The following CNTNAP2 variants were observed in gnomAD, a reference collection of about 807,000 sequenced individuals.
CNTNAP2 encodes contactin associated protein 2.
CNTNAP2 carries 98 observed loss-of-function variants against 155.2 expected under a neutral mutation model. That is an observed-to-expected ratio of 0.63 (90% confidence interval 0.54 to 0.75). CNTNAP2 has a LOEUF of 0.75. Ranked by LOEUF, CNTNAP2 falls within the 30% of genes least tolerant of loss-of-function variation. The pLI is 0.00. For missense variants in CNTNAP2, 1,727 were observed against 1,688.1 expected (o/e 1.02, Z -0.40); for synonymous variants, 651 against 631.2 (o/e 1.03, Z -0.47).
intron 1 of CNTNAP2, among the ~76,000 whole-genome samples, chr7:146,461,389 A>G (rs1351555848): frequency 6.8e-6 from 1 of 147,922 alleles, no homozygotes; most frequent in Non-Finnish European, 1.5e-5. Context: ...TGGGCAAAAG[A>G]GCAAGACTCC....
chr7:147,485,000 T>C (rs1798486467), intron 10 of CNTNAP2, among the ~76,000 whole-genome samples: 1 of 152,206 alleles, frequency 6.6e-6, no homozygotes, highest in East Asian at 1.9e-4. Context: ...GTGGGGTAGA[T>C]GGAGACAGGA....
In CNTNAP2 at chr7:147,126,281, G is replaced by A. The variant is rs538777431; in HGVS notation, c.940-2412G>A. 7.9e-5 allele frequency among the ~76,000 whole-genome samples: 12 copies of A among 152,180 alleles called. No homozygotes were observed. The South Asian group carries it at 1.9e-3, about 24-fold the overall frequency. On this transcript the variant is annotated intron_variant, in intron 6 of 23. Transcript: ENST00000361727. ...TGTACACTTGAAAGCTAACAAAATCGTTACTGCAGTTATTTCTTTAGAGGC... is the reference window on the plus strand; with the variant it reads ...TGTACACTTGAAAGCTAACAAAATCATTACTGCAGTTATTTCTTTAGAGGC...
intron 1 of CNTNAP2, among the ~76,000 whole-genome samples, chr7:146,521,554 C>A (rs1309160286): frequency 6.6e-6 from 1 of 151,914 alleles, no homozygotes; most frequent in East Asian, 1.9e-4. Flanking sequence ...AAAGAAACTA[C>A]AAATACAAAA....
chr7:146,730,952 C>T (rs549523041), intron 1 of CNTNAP2, among the ~76,000 whole-genome samples: 2 of 152,252 alleles, frequency 1.3e-5, no homozygotes, highest in African/African-American at 4.8e-5. Flanking sequence ...ATCCACAGAA[C>T]ACAAACTAGG....
At chr7:146,402,201 A>G (rs1397056378) in intron 1 of CNTNAP2, among the ~76,000 whole-genome samples, 8 of 152,152 alleles carry the variant, frequency 5.3e-5, no homozygotes, top group African/African-American at 1.9e-4. Flanking sequence ...AATATCTGCA[A>G]TAAACCTTCA....
At position 148,117,373 on chromosome 7, in the gene CNTNAP2, C is replaced by T. The variant is rs1315109087; in HGVS notation, c.2384-745C>T. Among the ~76,000 whole-genome samples the T allele has an allele frequency of 5.3e-5, 8 of 152,166 alleles. 1 individual carries two copies. The highest frequency in any genetic ancestry group is 1.2e-4 in the African/African-American group (5 of 41,444). On this transcript the variant is annotated intron_variant, in intron 15 of 23. Coordinates refer to ENST00000361727, the MANE Select transcript of CNTNAP2 (RefSeq NM_014141.6). Reference sequence around the variant, plus strand: ...AGGCAACTCACCTCTGAGAGTTTGGCGCAGGAGAGGTGAGGAAACTGCCCT... The same window carrying T: ...AGGCAACTCACCTCTGAGAGTTTGGTGCAGGAGAGGTGAGGAAACTGCCCT...
chr7:147,245,525 A>C (rs1201746949), intron 8 of CNTNAP2, among the ~76,000 whole-genome samples: 1 of 152,028 alleles, frequency 6.6e-6, no homozygotes. Flanking sequence ...TCATTGATCT[A>C]GATCTCAAAT....
chr7:147,272,664 A>ATTTT (rs71182188), intron 8 of CNTNAP2, among the ~76,000 whole-genome samples: 1,936 of 138,888 alleles, frequency 0.014, 49 homozygotes, highest in African/African-American at 0.047. Flanking sequence ...CGCCCGGCTA[A>ATTTT]TTTTTTTTTT....
intron 16 of CNTNAP2, among the ~76,000 whole-genome samples, chr7:148,142,326 T>G (rs948304827): frequency 6.6e-6 from 1 of 152,108 alleles, no homozygotes; most frequent in Non-Finnish European, 1.5e-5. Flanking sequence ...TCCTGCCTCT[T>G]CTCATGACCC....
rs145140565 is a variant in CNTNAP2, at chr7:146,732,822, A to G, written c.98-41449A>G. On this transcript the variant is annotated intron_variant, in intron 1 of 23. Transcript: ENST00000361727. ...TTTAAATCATCTCTAGATTACTTGT[A>G]ATACCTAATACAATGTAGATGCTGT... is the stretch of plus-strand genomic sequence containing the variant. 2.1e-4 allele frequency among the ~76,000 whole-genome samples: 32 copies of G among 152,278 alleles called. 1 individual carries two copies. Among genetic ancestry groups the G allele is most frequent in the African/African-American group, 7.7e-4 (32 of 41,586 alleles).
intron 1 of CNTNAP2, among the ~76,000 whole-genome samples, chr7:146,530,855 C>T (rs1368248637): frequency 6.6e-6 from 1 of 152,192 alleles, no homozygotes; most frequent in East Asian, 1.9e-4. Flanking sequence ...CCGTTCCATC[C>T]AGCAATTCCA....
intron 1 of CNTNAP2, among the ~76,000 whole-genome samples, chr7:146,198,758 A>T (rs1459015880): frequency 6.6e-6 from 1 of 152,038 alleles, no homozygotes; most frequent in African/African-American, 2.4e-5. Context: ...AAGAAGAAAA[A>T]TGACCCTGGC....
intron 14 of CNTNAP2, among the ~76,000 whole-genome samples, chr7:147,933,852 G>C (rs1238665990): frequency 6.6e-6 from 1 of 152,118 alleles, no homozygotes; most frequent in Non-Finnish European, 1.5e-5. Context: ...AACAGAGTGA[G>C]ACTCTATCTC....
intron 1 of CNTNAP2, among the ~76,000 whole-genome samples, chr7:146,140,380 A>G (rs1160203278): frequency 6.6e-6 from 1 of 152,064 alleles, no homozygotes; most frequent in African/African-American, 2.4e-5. Context: ...ATGCTCCCTC[A>G]TCACACTTTT....
intron 1 of CNTNAP2, among the ~76,000 whole-genome samples, chr7:146,329,356 T>C (rs187898971): frequency 3.9e-5 from 6 of 152,290 alleles, no homozygotes; most frequent in Admixed American, 3.9e-4. Flanking sequence ...GCTATGGAAA[T>C]TATTTCTTCT....
intron 13 of CNTNAP2, among the ~76,000 whole-genome samples, chr7:147,854,516 T>C (rs1799003833): frequency 1.3e-5 from 2 of 152,198 alleles, no homozygotes; most frequent in Admixed American, 1.3e-4. Flanking sequence ...GTCATTACAG[T>C]ATCAACTGCA....
chr7:147,147,871 G>A (rs996759353), intron 8 of CNTNAP2, among the ~76,000 whole-genome samples: 1 of 151,944 alleles, frequency 6.6e-6, no homozygotes, highest in Non-Finnish European at 1.5e-5. Flanking sequence ...ATTATATAAT[G>A]AGAGAAAAAA....
Position 148,061,928 on chromosome 7 carries a change from G to GATAGATAAACAGAT in CNTNAP2, c.2384-56183_2384-56182insAACAGATATAGATA, listed in dbSNP as rs1803147517. Reference sequence around the variant, plus strand: ...ATAGATAGATAAACAGATATAGATAGATAGATAGATAGATAGATAAACAGA... The same window carrying GATAGATAAACAGAT: ...ATAGATAGATAAACAGATATAGATAGATAGATAAACAGATATAGATAGATAGATAGATAAACAGA... On this transcript the variant is annotated intron_variant, in intron 15 of 23. Coordinates refer to ENST00000361727, the MANE Select transcript of CNTNAP2 (RefSeq NM_014141.6). Among the ~76,000 whole-genome samples the GATAGATAAACAGAT allele has an allele frequency of 5.2e-5, 5 of 95,564 alleles. 1 individual carries two copies. The highest frequency in any genetic ancestry group is 1.3e-4 in the African/African-American group (3 of 23,608). 62.7% of individuals were successfully genotyped at this position (95,564 alleles called of 152,430 possible). A position where few individuals can be genotyped will look rare whatever the true frequency, so the allele number is the denominator to read the frequency against.
At chr7:146,753,049 G>A (rs1801933326) in intron 1 of CNTNAP2, among the ~76,000 whole-genome samples, 1 of 152,128 alleles carries the variant, frequency 6.6e-6, no homozygotes, top group South Asian at 2.1e-4. Flanking sequence ...TTCAAGTTGT[G>A]CAGGATTTTC....
Sources: gnomAD v4.1 joint callset for allele counts (sites outside exome capture counted in the v4.1 genomes callset) on GRCh38, gnomAD v4.1.1 for gene constraint, MANE v1.5 for transcripts, NCBI Gene and HGNC (gene_info 2026-07-23, HGNC 2026-07-21) for gene names.